SAMHD1: variants seen among roughly 807,000 people sequenced by gnomAD.
SAMHD1 encodes SAM and HD domain containing deoxynucleoside triphosphate triphosphohydrolase 1, also known as deoxynucleoside triphosphate triphosphohydrolase SAMHD1.
A neutral mutation model predicts 79.6 loss-of-function variants in SAMHD1; 54 were observed. That is an observed-to-expected ratio of 0.68 (90% CI 0.55 to 0.85). The LOEUF (loss-of-function observed/expected upper bound fraction) is 0.85. Ranked by LOEUF, SAMHD1 falls within the 40% of genes least tolerant of loss-of-function variation. The pLI is 0.00. For synonymous variants in SAMHD1, 260 were observed against 264.1 expected, an observed-to-expected ratio of 0.98 and a Z score of 0.15; for missense variants, 663 against 782.7, an observed-to-expected ratio of 0.85 and a Z score of 1.82.
intron 4 of SAMHD1, 43 bp from the exon 5 acceptor site, chr20:36,930,918 A>G: frequency 7.5e-7 from 1 of 1,329,388 alleles, no homozygotes; most frequent in South Asian, 1.2e-5. Context: ...TGTTTGCAAG[A>G]GGAGTGATAG....
At chr20:36,948,338 C>T (rs1343419942) in intron 1 of SAMHD1, among the ~76,000 whole-genome samples, 6 of 152,090 alleles carry the variant, frequency 3.9e-5, no homozygotes, top group African/African-American at 1.2e-4. Context: ...CTGCAACCTC[C>T]GCCTCCCAGG....
chr20:36,944,332 A>G (rs1268129110), intron 2 of SAMHD1, among the ~76,000 whole-genome samples: 2 of 151,894 alleles, frequency 1.3e-5, no homozygotes, highest in African/African-American at 4.8e-5. Context: ...AAAAAAAAAA[A>G]AAAGAAAGGG....
intron 2 of SAMHD1, among the ~76,000 whole-genome samples, chr20:36,943,121 G>A (rs1490675355): frequency 6.6e-6 from 1 of 152,122 alleles, no homozygotes; most frequent in Non-Finnish European, 1.5e-5. Flanking sequence ...AGGGATTGGG[G>A]GGTCTAGGGA....
At chr20:36,930,363 G>A (rs777392659) in intron 5 of SAMHD1, among the ~76,000 whole-genome samples, 1 of 151,978 alleles carries the variant, frequency 6.6e-6, no homozygotes, top group African/African-American at 2.4e-5. Flanking sequence ...GGATATGGTG[G>A]TGCATGCCTG....
At chr20:36,919,318 G>A (rs1476802277) in intron 7 of SAMHD1, 46 bp downstream of exon 7, 1 of 1,582,802 alleles carries the variant, frequency 6.3e-7, no homozygotes, top group African/African-American at 1.3e-5. Flanking sequence ...GAAAAGGCTA[G>A]ATGAAAAGCA....
intron 6 of SAMHD1, among the ~76,000 whole-genome samples, chr20:36,925,581 G>C (rs574100289): frequency 3.3e-5 from 5 of 152,248 alleles, no homozygotes; most frequent in African/African-American, 1.2e-4. Flanking sequence ...AGACACTGGG[G>C]AAAAATATTC....
At chr20:36,925,171 G>GA (rs1229061001) in intron 6 of SAMHD1, among the ~76,000 whole-genome samples, 1 of 144,724 alleles carries the variant, frequency 6.9e-6, no homozygotes, top group Non-Finnish European at 1.5e-5. Flanking sequence ...AAAAAAAAAA[G>GA]AAAAAAAAAG....
At position 36,946,797 on chromosome 20, in the gene SAMHD1, T is replaced by C; in HGVS notation, c.216A>G (p.Glu72=). ...PVLLKNIREN[E]ITGALLPCLD... The stretch of plus-strand genomic sequence containing the variant: ...GACAAGGCAGTAATGCGCCTGTGAT[T>C]TCATTTTCTATGGAAGAAAAAAGAC... Residue 72 remains glutamate (E), a synonymous_variant, in exon 2 of 16, where the codon GAA becomes GAG. Transcript: ENST00000646673. The C allele has an allele frequency of 6.2e-7, 1 of 1,612,086 alleles. No individual in the cohort carries two copies. The highest frequency in any genetic ancestry group is 8.5e-7 in the Non-Finnish European group (1 of 1,178,592).
rs547804080 is a variant in SAMHD1, at chr20:36,934,657, CT to C, written c.509+371del. The C allele has an allele frequency of 6.9e-3, 775 of 111,890 alleles. 5 individuals carry two copies. Among genetic ancestry groups the C allele is most frequent in the African/African-American group, 0.014 (404 of 29,372 alleles). The allele number at this position is 111,890 out of a possible 1,614,324, so 6.9% of individuals were successfully genotyped here. A position where few individuals can be genotyped will look rare whatever the true frequency, so the allele number is the denominator to read the frequency against. ...TTTTTTTCCTGTTTTCTTTTTCTTTCTTTTTTTTTTTTTTTTTGAGATGGGG... is the reference window on the plus strand; with the variant it reads ...TTTTTTTCCTGTTTTCTTTTTCTTTCTTTTTTTTTTTTTTTTGAGATGGGG... On this transcript the variant is annotated intron_variant, in intron 4 of 15. Coordinates refer to ENST00000646673, the MANE Select transcript of SAMHD1 (RefSeq NM_015474.4).
chr20:36,893,069 A>G lies in SAMHD1; in HGVS notation c.1747-3T>C. 1 of 1,612,730 alleles carries G rather than the reference A, an allele frequency of 6.2e-7. No individual in the cohort carries two copies. The highest frequency in any genetic ancestry group is 8.5e-7 in the Non-Finnish European group (1 of 1,180,000). Reference sequence around the variant, plus strand: ...AGTGGGGCTATAACATCGCCATCCTATTAGGAAGAGAGAGAAAAACAGGCA... The same window carrying G: ...AGTGGGGCTATAACATCGCCATCCTGTTAGGAAGAGAGAGAAAAACAGGCA... On this transcript the variant is annotated splice_polypyrimidine_tract_variant and splice_region_variant and intron_variant, in intron 15 of 15. Transcript: ENST00000646673.
chr20:36,912,902 T>TG (rs1167267193), intron 9 of SAMHD1, among the ~76,000 whole-genome samples: 1 of 129,386 alleles, frequency 7.7e-6, no homozygotes, highest in African/African-American at 3.5e-5. Flanking sequence ...TTTTTTTTTT[T>TG]TTTTTTTTTT....
At chr20:36,929,643 C>T (rs902670215) in intron 5 of SAMHD1, among the ~76,000 whole-genome samples, 3 of 151,952 alleles carry the variant, frequency 2.0e-5, no homozygotes, top group East Asian at 1.9e-4. Flanking sequence ...ACCCAGGAGG[C>T]GGAGGTTGCA....
chr20:36,919,701 A>G (rs2063494620), intron 6 of SAMHD1, among the ~76,000 whole-genome samples, 182 bp from the exon 7 acceptor site: 3 of 152,240 alleles, frequency 2.0e-5, no homozygotes, highest in Non-Finnish European at 4.4e-5. Context: ...TCATTTTACT[A>G]GTAGTCTACA....
At chr20:36,923,640 T>C (rs1044531896) in intron 6 of SAMHD1, among the ~76,000 whole-genome samples, 4 of 151,946 alleles carry the variant, frequency 2.6e-5, no homozygotes, top group South Asian at 2.1e-4. Context: ...CTAGGCAACA[T>C]AGTAAGACTC....
intron 15 of SAMHD1, among the ~76,000 whole-genome samples, chr20:36,894,811 T>C (rs1365047708): frequency 6.6e-6 from 1 of 151,960 alleles, no homozygotes; most frequent in Non-Finnish European, 1.5e-5. Context: ...CTTAAAGGCC[T>C]ATCTCAAAAT....
chr20:36,897,625 C>G, intron 15 of SAMHD1, 197 bp downstream of exon 15: 3 of 643,594 alleles, frequency 4.7e-6, no homozygotes, highest in Non-Finnish European at 8.2e-6. Flanking sequence ...GTATCCATTC[C>G]CAACTCCTGT....
chr20:36,930,410 T>G (rs1220229900), intron 5 of SAMHD1, among the ~76,000 whole-genome samples: 1 of 151,898 alleles, frequency 6.6e-6, no homozygotes, highest in Non-Finnish European at 1.5e-5. Context: ...GCACGAGAAT[T>G]GCTTGAAACC....
rs1424733684 is a variant in SAMHD1, at chr20:36,891,344, C to A, written c.*1588G>T. On this transcript the variant is annotated 3_prime_UTR_variant, in exon 16 of 16. Coordinates refer to ENST00000646673, the MANE Select transcript of SAMHD1 (RefSeq NM_015474.4). ...CAGTGATGGACTGCTGGGAAATCTG[C>A]TGGCCTGTGGTCTGAGTTCCCCTAC... 1 of 152,358 alleles carries A rather than the reference C, an allele frequency of 6.6e-6. No individual in the cohort carries two copies. The highest frequency in any genetic ancestry group is 1.5e-5 in the Non-Finnish European group (1 of 68,160). 9.4% of individuals were successfully genotyped at this position (152,358 alleles called of 1,614,324 possible).
At chr20:36,913,007 T>TC (rs1439798774) in intron 9 of SAMHD1, among the ~76,000 whole-genome samples, 6 of 145,108 alleles carry the variant, frequency 4.1e-5, no homozygotes, top group Admixed American at 6.8e-5. Context: ...TCCTTTTTTT[T>TC]TTTTTTTGAG....
Sources: allele counts gnomAD v4.1 joint callset (sites outside exome capture counted in the v4.1 genomes callset), GRCh38; gene constraint gnomAD v4.1.1; transcripts MANE v1.5; gene names NCBI Gene and HGNC (gene_info 2026-07-23, HGNC 2026-07-21).